The following JAM2 variants were observed in gnomAD, a reference collection of about 807,000 sequenced individuals.
JAM2 encodes junctional adhesion molecule B.
A neutral mutation model predicts 42.0 loss-of-function variants in JAM2; 17 were observed. The observed-to-expected ratio is 0.40, with a 90% CI of 0.28 to 0.61. JAM2 has a LOEUF of 0.61. Ranked by LOEUF, JAM2 falls within the 20% of genes least tolerant of loss-of-function variation. The probability of loss-of-function intolerance (pLI) is 0.37; values close to 1 mark genes in which losing one functional copy is unlikely to be tolerated. For missense variants in JAM2, 319 were observed against 358.3 expected (o/e 0.89, Z 0.89); for synonymous variants, 118 against 128.6 (o/e 0.92, Z 0.56).
At chr21:25,670,485 C>T (rs2033334626) in intron 1 of JAM2, among the ~76,000 whole-genome samples, 1 of 150,246 alleles carries the variant, frequency 6.7e-6, no homozygotes, top group South Asian at 2.1e-4. Flanking sequence ...GACCCTGTGT[C>T]AAAATTTAAA....
In JAM2 at chr21:25,713,963, G is replaced by C. The variant is rs529166159; in HGVS notation, c.865-677G>C. 2.0e-5 allele frequency among the ~76,000 whole-genome samples: 3 copies of C among 152,198 alleles called. No homozygotes were observed. In the East Asian group the frequency reaches 5.8e-4, roughly 29 times the overall value. On this transcript the variant is annotated intron_variant, in intron 9 of 9. Coordinates refer to ENST00000480456, the MANE Select transcript of JAM2 (RefSeq NM_021219.4). ...CAGTTCTCTTGTGCCCTACCACAGG[G>C]TTTCTCAACCTCAGCACTACTGATA...
chr21:25,698,738 G>A lies in JAM2; in HGVS notation c.456G>A (p.Glu152=). ...PSSALSGTVV[E]LRCQDKEGNP... is the part of the protein sequence containing the mutation. Reference sequence around the variant, plus strand: ...CTGCTCTGAGTGGAACTGTGGTAGAGCTACGATGTCAAGACAAAGAAGGGA... The same window carrying A: ...CTGCTCTGAGTGGAACTGTGGTAGAACTACGATGTCAAGACAAAGAAGGGA... The change falls in exon 5 of 10, where the codon GAG becomes GAA. Residue 152 remains glutamate, a synonymous_variant. Transcript: ENST00000480456. The A allele has an allele frequency of 1.9e-6, 3 of 1,614,186 alleles. No homozygotes were observed. The highest frequency in any genetic ancestry group is 1.3e-5 in the African/African-American group (1 of 75,052).
At chr21:25,660,473 A>T (rs970435440) in intron 1 of JAM2, among the ~76,000 whole-genome samples, 1 of 151,956 alleles carries the variant, frequency 6.6e-6, no homozygotes, top group Non-Finnish European at 1.5e-5. Context: ...GACCTATTCC[A>T]TTGTCACAAT....
chr21:25,667,943 G>T (rs1021849549), intron 1 of JAM2, among the ~76,000 whole-genome samples: 6 of 152,204 alleles, frequency 3.9e-5, no homozygotes, highest in African/African-American at 1.4e-4. Flanking sequence ...GAATGTCGAA[G>T]GGGAAAGGTG....
chr21:25,679,957 T>C (rs184234556), intron 1 of JAM2, among the ~76,000 whole-genome samples: 3 of 152,302 alleles, frequency 2.0e-5, no homozygotes, highest in Admixed American at 2.0e-4. Flanking sequence ...ATCATGGCCA[T>C]GTTTCTTACT....
intron 1 of JAM2, among the ~76,000 whole-genome samples, chr21:25,683,518 G>C (rs2033683752): frequency 6.6e-6 from 1 of 152,128 alleles, no homozygotes; most frequent in Non-Finnish European, 1.5e-5. Context: ...TAAGCCTAAA[G>C]AGAATTAGCT....
intron 1 of JAM2, among the ~76,000 whole-genome samples, chr21:25,649,617 C>G (rs1028567861): frequency 6.6e-6 from 1 of 152,218 alleles, no homozygotes; most frequent in African/African-American, 2.4e-5. Flanking sequence ...GTTCTACTCT[C>G]TGGAGCAGGG....
chr21:25,702,131 C>A, intron 5 of JAM2, 39 bp from the exon 6 acceptor site: 1 of 1,140,490 alleles, frequency 8.8e-7, no homozygotes, highest in Admixed American at 1.8e-5. Flanking sequence ...ACTTATAGAT[C>A]TATGGCTTAA....
intron 1 of JAM2, among the ~76,000 whole-genome samples, chr21:25,645,907 A>T (rs2032596069): frequency 1.3e-5 from 2 of 152,256 alleles, no homozygotes; most frequent in Non-Finnish European, 2.9e-5. Flanking sequence ...CAGTAAAAAC[A>T]GCACAAAAGA....
chr21:25,674,843 C>T (rs1461366141), intron 1 of JAM2, among the ~76,000 whole-genome samples: 3 of 151,614 alleles, frequency 2.0e-5, no homozygotes, highest in African/African-American at 7.3e-5. Flanking sequence ...TAGTTCCTAC[C>T]TCATTGGGTT....
At chr21:25,692,774 A>G (rs2033910699) in intron 3 of JAM2, among the ~76,000 whole-genome samples, 1 of 152,252 alleles carries the variant, frequency 6.6e-6, no homozygotes, top group Non-Finnish European at 1.5e-5. Context: ...AATAATTAAT[A>G]TGACAATACC....
intron 5 of JAM2, among the ~76,000 whole-genome samples, chr21:25,699,971 C>G (rs1879922637): frequency 6.6e-6 from 1 of 151,966 alleles, no homozygotes; most frequent in Non-Finnish European, 1.5e-5. Flanking sequence ...ATTCCTATAT[C>G]ATTAAATATT....
At chr21:25,642,172 A>AT (rs1016609153) in intron 1 of JAM2, among the ~76,000 whole-genome samples, 6 of 151,586 alleles carry the variant, frequency 4.0e-5, no homozygotes, top group African/African-American at 1.2e-4. Context: ...TCCATACTAG[A>AT]TTTTTTTGGA....
At chr21:25,650,100 T>G (rs2032730739) in intron 1 of JAM2, among the ~76,000 whole-genome samples, 1 of 152,082 alleles carries the variant, frequency 6.6e-6, no homozygotes, top group Non-Finnish European at 1.5e-5. Flanking sequence ...GGTGGCAGAG[T>G]CTTCATGACC....
intron 1 of JAM2, among the ~76,000 whole-genome samples, chr21:25,677,579 A>C (rs1012222939): frequency 3.3e-5 from 5 of 152,236 alleles, no homozygotes; most frequent in African/African-American, 1.2e-4. Context: ...CTCAGAGTGT[A>C]CTAAAGTTTG....
At position 25,717,443 on chromosome 21, in the gene JAM2, T is replaced by C. The variant is rs1242131795; in HGVS notation, c.*2771T>C. Reference sequence around the variant, plus strand: ...GCTGTTGTAACTAGATTTAATTTATTTTTAGTTGGAGGTTTGACCTAAGTC... The same window carrying C: ...GCTGTTGTAACTAGATTTAATTTATCTTTAGTTGGAGGTTTGACCTAAGTC... On this transcript the variant is annotated 3_prime_UTR_variant, in exon 10 of 10. Coordinates refer to ENST00000480456, the MANE Select transcript of JAM2 (RefSeq NM_021219.4). 1.4e-5 allele frequency: 6 copies of C among 427,078 alleles called. No individual in the cohort carries two copies. Among genetic ancestry groups the C allele is most frequent in the Non-Finnish European group, 2.4e-5 (6 of 249,724 alleles). 26.5% of individuals were successfully genotyped at this position (427,078 alleles called of 1,614,324 possible).
Position 25,669,348 on chromosome 21 carries a change from G to A in JAM2, c.68-14535G>A, listed in dbSNP as rs533944261. ...GATTGCGCGCCTGCACTCCAGCCTG[G>A]GCAACAGAGTGAAACCCTGTCTCAA... On this transcript the variant is annotated intron_variant, in intron 1 of 9. Coordinates refer to ENST00000480456, the MANE Select transcript of JAM2 (RefSeq NM_021219.4). 9.4e-4 allele frequency among the ~76,000 whole-genome samples: 142 copies of A among 150,896 alleles called. 1 individual carries two copies. The Middle Eastern group carries it at 0.014, about 14-fold the overall frequency.
chr21:25,709,535 G>A (rs2034340671), intron 8 of JAM2, 86 bp downstream of exon 8: 8 of 900,986 alleles, frequency 8.9e-6, no homozygotes, highest in Non-Finnish European at 1.4e-5. Flanking sequence ...AAAGAGAGAA[G>A]TTGGGTTATT....
chr21:25,708,281 T>G (rs1045814649), intron 7 of JAM2, among the ~76,000 whole-genome samples: 6 of 152,102 alleles, frequency 3.9e-5, no homozygotes, highest in African/African-American at 1.4e-4. Context: ...TAATTAAGAA[T>G]AACTGGGCTG....
Sources: allele counts gnomAD v4.1 joint callset (sites outside exome capture counted in the v4.1 genomes callset), GRCh38; gene constraint gnomAD v4.1.1; transcripts MANE v1.5; gene names NCBI Gene and HGNC (gene_info 2026-07-23, HGNC 2026-07-21).